Variants in PRKG1 observed in about 807,000 individuals in gnomAD.
The protein encoded by PRKG1 is protein kinase cGMP-dependent 1, also known as cGMP-dependent protein kinase 1.
Under a neutral mutation model 88.1 loss-of-function variants are expected in PRKG1, and 35 were observed. That is an observed-to-expected ratio of 0.40 (90% CI 0.30 to 0.53). The LOEUF (loss-of-function observed/expected upper bound fraction) is 0.53, where lower values mean the gene tolerates loss of function less well. PRKG1 is among the 20% of genes least tolerant of loss of function. The probability of loss-of-function intolerance (pLI) is 0.59; values close to 1 mark genes in which losing one functional copy is unlikely to be tolerated. For synonymous variants in PRKG1, 303 were observed against 292.5 expected, an observed-to-expected ratio of 1.04 and a Z score of -0.37; for missense variants, 540 against 839.8, an observed-to-expected ratio of 0.64 and a Z score of 4.41.
At chr10:51,671,593 T>C (rs913694619) in intron 3 of PRKG1, among the ~76,000 whole-genome samples, 1 of 151,102 alleles carries the variant, frequency 6.6e-6, no homozygotes, top group African/African-American at 2.4e-5. Context: ...TCTCTCTCTT[T>C]TTTTTTTTTT....
intron 2 of PRKG1, among the ~76,000 whole-genome samples, chr10:51,295,357 G>A (rs111311342): frequency 2.3e-3 from 351 of 152,018 alleles, no homozygotes; most frequent in African/African-American, 7.7e-3. Context: ...TGCCTCTTAA[G>A]TTCATCCTAA....
intron 5 of PRKG1, among the ~76,000 whole-genome samples, chr10:51,930,838 A>T (rs189624215): frequency 8.3e-4 from 127 of 152,270 alleles, no homozygotes; most frequent in African/African-American, 3.0e-3. Flanking sequence ...AGTAGTTTTC[A>T]TTATGTTTTG....
intron 10 of PRKG1, among the ~76,000 whole-genome samples, chr10:52,263,832 A>G (rs1020684714): frequency 1.3e-5 from 2 of 152,036 alleles, no homozygotes; most frequent in Non-Finnish European, 2.9e-5. Flanking sequence ...CAGCCTCCCA[A>G]AGTGCTGGCA....
At chr10:51,899,833 G>C (rs1352413957) in intron 4 of PRKG1, among the ~76,000 whole-genome samples, 1 of 151,846 alleles carries the variant, frequency 6.6e-6, no homozygotes, top group Non-Finnish European at 1.5e-5. Context: ...AGTGGGTTGT[G>C]TTGGATCATG....
At chr10:52,221,139 T>C (rs928020110) in intron 9 of PRKG1, among the ~76,000 whole-genome samples, 1 of 152,188 alleles carries the variant, frequency 6.6e-6, no homozygotes, top group Admixed American at 6.6e-5. Context: ...TGCATTTCTC[T>C]AATCATCAAT....
At chr10:51,068,624 A>G (rs954787039) in intron 1 of PRKG1, 2 of 152,084 alleles carry the variant, frequency 1.3e-5, no homozygotes, top group African/African-American at 4.8e-5. Flanking sequence ...AGCAAAAAAG[A>G]CAAATCATGG....
chr10:52,067,793 G>C (rs2133279298), intron 7 of PRKG1, among the ~76,000 whole-genome samples: 1 of 151,636 alleles, frequency 6.6e-6, no homozygotes, highest in East Asian at 1.9e-4. Flanking sequence ...ACTTTTTACA[G>C]AAGTACTCCC....
chr10:51,643,317 A>C (rs1839843814), intron 3 of PRKG1, among the ~76,000 whole-genome samples: 1 of 152,244 alleles, frequency 6.6e-6, no homozygotes, highest in Admixed American at 6.5e-5. Flanking sequence ...TTTTGATGCC[A>C]AAAAGACTTA....
intron 17 of PRKG1, among the ~76,000 whole-genome samples, chr10:52,291,177 C>T (rs1842232888): frequency 6.6e-6 from 1 of 151,954 alleles, no homozygotes; most frequent in Admixed American, 6.6e-5. Flanking sequence ...CCCACCTCGG[C>T]CTCCCAAGGG....
intron 4 of PRKG1, among the ~76,000 whole-genome samples, chr10:51,819,006 C>CA (rs869048560): frequency 0.013 from 231 of 18,334 alleles, 71 homozygotes; most frequent in African/African-American, 0.026. Context: ...GACTCCGTCT[C>CA]AAAAAAAAAA....
intron 1 of PRKG1, 145 bp from the exon 2 acceptor site, chr10:51,153,019 T>G: frequency 1.9e-6 from 1 of 530,316 alleles, no homozygotes; most frequent in South Asian, 5.4e-5. Flanking sequence ...ACATACTTTG[T>G]TCTCCAGTCT....
chr10:51,282,430 A>G (rs988255440), intron 2 of PRKG1, among the ~76,000 whole-genome samples: 4 of 152,168 alleles, frequency 2.6e-5, no homozygotes, highest in Non-Finnish European at 4.4e-5. Flanking sequence ...AGTAAGCAAC[A>G]ATGCTTACAG....
At chr10:52,232,344 T>C (rs1225062429) in intron 9 of PRKG1, among the ~76,000 whole-genome samples, 2 of 151,852 alleles carry the variant, frequency 1.3e-5, no homozygotes, top group Non-Finnish European at 2.9e-5. Flanking sequence ...AAAAAAAGAA[T>C]GTTGTTTCTA....
At chr10:51,519,319 A>G (rs1841676282) in intron 3 of PRKG1, among the ~76,000 whole-genome samples, 2 of 152,162 alleles carry the variant, frequency 1.3e-5, no homozygotes, top group Non-Finnish European at 1.5e-5. Context: ...TATTTCCCAT[A>G]TTTTATAGAG....
At chr10:52,171,143 TTTG>T (rs1283684188) in intron 9 of PRKG1, among the ~76,000 whole-genome samples, 1 of 49,030 alleles carries the variant, frequency 2.0e-5, no homozygotes, top group African/African-American at 4.2e-5. Context: ...TTTTTTTGGT[TTTG>T]TTTTTTTTTT....
At chr10:51,332,572 A>G (rs1841769026) in intron 2 of PRKG1, among the ~76,000 whole-genome samples, 1 of 152,250 alleles carries the variant, frequency 6.6e-6, no homozygotes, top group Non-Finnish European at 1.5e-5. Flanking sequence ...GTATGTAAAG[A>G]TAAAAAGTCA....
intron 2 of PRKG1, among the ~76,000 whole-genome samples, chr10:51,267,983 A>T (rs1033401110): frequency 6.6e-6 from 1 of 152,114 alleles, no homozygotes; most frequent in African/African-American, 2.4e-5. Context: ...GTTCTTTTCT[A>T]TTTTCCCTAA....
At chr10:51,975,027 T>C (rs1009684616) in intron 5 of PRKG1, among the ~76,000 whole-genome samples, 1 of 152,086 alleles carries the variant, frequency 6.6e-6, no homozygotes, top group Non-Finnish European at 1.5e-5. Context: ...TACTGGTATA[T>C]CTGGTAGGGA....
chr10:51,368,342 T>C (rs1842631980), intron 2 of PRKG1, among the ~76,000 whole-genome samples: 1 of 152,040 alleles, frequency 6.6e-6, no homozygotes, highest in Admixed American at 6.6e-5. Flanking sequence ...ATTTTACAGC[T>C]TCTCTTGACT....
Sources: allele counts gnomAD v4.1 joint callset (sites outside exome capture counted in the v4.1 genomes callset), GRCh38; gene constraint gnomAD v4.1.1; transcripts MANE v1.5; gene names NCBI Gene and HGNC (gene_info 2026-07-23, HGNC 2026-07-21).